The following ZNF264 variants were observed in gnomAD, a reference collection of about 807,000 sequenced individuals.
ZNF264 encodes the protein zinc finger protein 264.
Under a neutral mutation model 11.2 loss-of-function variants are expected in ZNF264, and 11 were observed. The observed-to-expected ratio is 0.98, with a 90% confidence interval of 0.62 to 1.63. The LOEUF (loss-of-function observed/expected upper bound fraction) is 1.63, where lower values mean the gene tolerates loss of function less well. ZNF264 is among the 40% of genes most tolerant of loss of function. The pLI, the probability that ZNF264 is intolerant of heterozygous loss-of-function variation, is 0.00. For synonymous variants in ZNF264, 309 were observed against 279.8 expected, an observed-to-expected ratio of 1.10 and a Z score of -1.04; for missense variants, 752 against 768.1, an observed-to-expected ratio of 0.98 and a Z score of 0.25.
chr19:57,192,992 A>G (rs1167776802), intron 1 of ZNF264, among the ~76,000 whole-genome samples: 1 of 152,066 alleles, frequency 6.6e-6, no homozygotes, highest in Non-Finnish European at 1.5e-5. Context: ...CGACCTCCCA[A>G]AGTGCTGGGA....
rs2087410258 is a variant in ZNF264 at position 57,220,590 on chromosome 19, G to A, written c.*7609G>A. On this transcript the variant is annotated 3_prime_UTR_variant, in exon 4 of 4. Transcript: ENST00000263095. ...TTTTTTTAGTAGACCCTCCATATAT[G>A]TGTGTGTTTTGGTGAATGGCCACAC... 1 of 151,846 alleles carries A rather than the reference G, an allele frequency of 6.6e-6. No individual in the cohort carries two copies. Among genetic ancestry groups the A allele is most frequent in the South Asian group, 2.1e-4 (1 of 4,806 alleles). The allele number at this position is 151,846 out of a possible 1,614,324, so 9.4% of individuals were successfully genotyped here.
intron 3 of ZNF264, among the ~76,000 whole-genome samples, chr19:57,207,545 C>CTTTT (rs757880568): frequency 4.1e-4 from 42 of 103,074 alleles, no homozygotes; most frequent in East Asian, 5.3e-4. Flanking sequence ...TTTTTCTTTT[C>CTTTT]TTTTTTTTTT....
In ZNF264 at chr19:57,192,470, G is replaced by T. The variant is rs149330356; in HGVS notation, c.33+524G>T. The T allele has an allele frequency of 8.9e-4, 874 of 985,362 alleles. 5 individuals are homozygous for T. The African/African-American group carries it at 0.014, about 16-fold the overall frequency. The allele number at this position is 985,362 out of a possible 1,614,324, so 61.0% of individuals were successfully genotyped here. A position where few individuals can be genotyped will look rare whatever the true frequency, so the allele number is the denominator to read the frequency against. ...AGATGCCCTTACTCTCATCGCTACA[G>T]CCTGCATTATCCTTGGCCGCTCGTG... is the stretch of plus-strand genomic sequence containing the variant. On this transcript the variant is annotated intron_variant, in intron 1 of 3. Transcript: ENST00000263095.
Position 57,219,663 on chromosome 19 carries a change from C to CT in ZNF264, c.*6684dup, listed in dbSNP as rs1313588339. The CT allele has an allele frequency of 2.0e-5, 3 of 152,256 alleles. No individual in the cohort carries two copies. Among genetic ancestry groups the CT allele is most frequent in the Admixed American group, 6.5e-5 (1 of 15,288 alleles). 9.4% of individuals were successfully genotyped at this position (152,256 alleles called of 1,614,324 possible). On this transcript the variant is annotated 3_prime_UTR_variant, in exon 4 of 4. Coordinates refer to ENST00000263095, the MANE Select transcript of ZNF264 (RefSeq NM_003417.5). ...GAGGGTCTGTGTCTTCCTTCCAACT[C>CT]TTAAACATTTTTGTTTCCCAGAATC...
At chr19:57,210,357 C>A (rs994072561) in intron 3 of ZNF264, among the ~76,000 whole-genome samples, 1 of 152,186 alleles carries the variant, frequency 6.6e-6, no homozygotes, top group Admixed American at 6.5e-5. Flanking sequence ...AGGTTTGGGT[C>A]CCAAAGCCGT....
At position 57,202,496 on chromosome 19, in the gene ZNF264, C is replaced by G. The variant is rs746685693; in HGVS notation, c.161-2901C>G. Among the ~76,000 whole-genome samples, 5 of 151,806 alleles carry G rather than the reference C, an allele frequency of 3.3e-5. 1 individual carries two copies. The highest frequency in any genetic ancestry group is 7.3e-5 in the African/African-American group (3 of 41,088). ...GGTATGTTAGGCCTCAGGGTCAGGC[C>G]TCTGACCTCCTGCCCTCCTTTCGCT... On this transcript the variant is annotated intron_variant, in intron 2 of 3. Coordinates refer to ENST00000263095, the MANE Select transcript of ZNF264 (RefSeq NM_003417.5).
chr19:57,199,465 C>T (rs955069651), intron 2 of ZNF264, among the ~76,000 whole-genome samples: 2 of 151,866 alleles, frequency 1.3e-5, no homozygotes, highest in African/African-American at 4.9e-5. Context: ...TCCCAGCTCA[C>T]CCATGATGGG....
At position 57,222,191 on chromosome 19, in the gene ZNF264, T is replaced by A. The variant is rs1360900504; in HGVS notation, c.*9210T>A. On this transcript the variant is annotated 3_prime_UTR_variant, in exon 4 of 4. Coordinates refer to ENST00000263095, the MANE Select transcript of ZNF264 (RefSeq NM_003417.5). ...TGGTGAAATCCCATCTCTACAAAAA[T>A]GAAAAATTAGCCGGGCGTAGTGGTA... is the stretch of plus-strand genomic sequence containing the variant. 6.6e-6 allele frequency: 1 copy of A among 150,942 alleles called. No homozygotes were observed. Among genetic ancestry groups the A allele is most frequent in the Non-Finnish European group, 1.5e-5 (1 of 67,620 alleles). 9.4% of individuals were successfully genotyped at this position (150,942 alleles called of 1,614,324 possible).
chr19:57,205,899 C>T (rs988924243), intron 3 of ZNF264, among the ~76,000 whole-genome samples: 6 of 152,168 alleles, frequency 3.9e-5, no homozygotes, highest in African/African-American at 1.4e-4. Flanking sequence ...CAGTGGTTCA[C>T]ATATGAAAAC....
chr19:57,217,303 C>T lies in ZNF264; in HGVS notation c.*4322C>T, dbSNP rs1407316353. On this transcript the variant is annotated 3_prime_UTR_variant, in exon 4 of 4. Coordinates refer to ENST00000263095, the MANE Select transcript of ZNF264 (RefSeq NM_003417.5). ...AACTTATGACAGTTTAATAAGTTAT[C>T]AGCAATTTAGCACTTTACTTCCATT... 6.6e-6 allele frequency: 1 copy of T among 152,172 alleles called. No homozygotes were observed. The highest frequency in any genetic ancestry group is 1.5e-5 in the Non-Finnish European group (1 of 68,030). The allele number at this position is 152,172 out of a possible 1,614,324, so 9.4% of individuals were successfully genotyped here.
rs1475138522 is a variant in ZNF264 at position 57,221,241 on chromosome 19, G to A, written c.*8260G>A. 32 of 151,730 alleles carry A rather than the reference G, an allele frequency of 2.1e-4. No homozygotes were observed. Among genetic ancestry groups the A allele is most frequent in the Admixed American group, 2.1e-3 (32 of 15,218 alleles). 9.4% of individuals were successfully genotyped at this position (151,730 alleles called of 1,614,324 possible). ...AATTTTTGTATTTTTAGTAGTAGTG[G>A]GATTTCACCATGTTGGCCAGGATGG... On this transcript the variant is annotated 3_prime_UTR_variant, in exon 4 of 4. Coordinates refer to ENST00000263095, the MANE Select transcript of ZNF264 (RefSeq NM_003417.5).
Position 57,201,298 on chromosome 19 carries a change from C to T in ZNF264, c.161-4099C>T, listed in dbSNP as rs1305745502. On this transcript the variant is annotated intron_variant, in intron 2 of 3. Coordinates refer to ENST00000263095, the MANE Select transcript of ZNF264 (RefSeq NM_003417.5). ...GAAGTAGTGGATCTTAGTTTCTGTC[C>T]CTGGGTAGTAAAAAGAAGCTGGGGA... Among the ~76,000 whole-genome samples, 2 of 151,616 alleles carry T rather than the reference C, an allele frequency of 1.3e-5. 1 individual carries two copies. Among genetic ancestry groups the T allele is most frequent in the African/African-American group, 4.9e-5 (2 of 41,082 alleles).
chr19:57,208,373 C>T (rs1040274545), intron 3 of ZNF264, among the ~76,000 whole-genome samples: 6 of 151,724 alleles, frequency 4.0e-5, no homozygotes, highest in South Asian at 2.1e-4. Context: ...GGTGAGACCC[C>T]GTCTCTGCAA....
rs150655458 is a variant in ZNF264 at position 57,207,477 on chromosome 19, T to C, written c.256+1985T>C. Among the ~76,000 whole-genome samples the C allele has an allele frequency of 2.8e-3, 429 of 152,146 alleles. 3 individuals are homozygous for C. Among genetic ancestry groups the C allele is most frequent in the Middle Eastern group, 0.017 (5 of 294 alleles). On this transcript the variant is annotated intron_variant, in intron 3 of 3. Transcript: ENST00000263095. Reference sequence around the variant, plus strand: ...CCTTTCATGGACATCCTTTCTTCATTTATATTCTGCTTGTTTTGTGATTCT... The same window carrying C: ...CCTTTCATGGACATCCTTTCTTCATCTATATTCTGCTTGTTTTGTGATTCT...
At position 57,213,810 on chromosome 19, in the gene ZNF264, A is replaced by G. The variant is rs2087359753; in HGVS notation, c.*829A>G. On this transcript the variant is annotated 3_prime_UTR_variant, in exon 4 of 4. Transcript: ENST00000263095. ...TAATCTGTTAAGAATTGGTATCTTTACTATGTTGGGTCTTGTAGTTCATGA... is the reference window on the plus strand; with the variant it reads ...TAATCTGTTAAGAATTGGTATCTTTGCTATGTTGGGTCTTGTAGTTCATGA... The G allele has an allele frequency of 6.6e-6, 1 of 152,198 alleles. No homozygotes were observed. The highest frequency in any genetic ancestry group is 1.5e-5 in the Non-Finnish European group (1 of 68,036). 9.4% of individuals were successfully genotyped at this position (152,198 alleles called of 1,614,324 possible). A position where few individuals can be genotyped will look rare whatever the true frequency, so the allele number is the denominator to read the frequency against.
chr19:57,203,813 C>G (rs2087270959), intron 2 of ZNF264, among the ~76,000 whole-genome samples: 1 of 152,156 alleles, frequency 6.6e-6, no homozygotes, highest in Non-Finnish European at 1.5e-5. Context: ...CTCTGTGGTG[C>G]TAGTAATTTC....
intron 2 of ZNF264, among the ~76,000 whole-genome samples, chr19:57,198,600 C>A (rs2087229357): frequency 6.6e-6 from 1 of 151,802 alleles, no homozygotes; most frequent in South Asian, 2.1e-4. Flanking sequence ...TGGGGACCCA[C>A]TGGACCCACT....
rs772644752 is a variant in ZNF264 at position 57,211,426 on chromosome 19, A to G, written c.329A>G (p.Gln110Arg). ...EPALSEGISLQGQVTQGNSVD... is the reference protein window; with the variant it reads ...EPALSEGISLRGQVTQGNSVD... ...GCCTTGTCAGAGGGAATCTCACTTCAGGGACAAGTGACACAAGGAAACTCA... is the reference window on the plus strand; with the variant it reads ...GCCTTGTCAGAGGGAATCTCACTTCGGGGACAAGTGACACAAGGAAACTCA... Residue 110 changes from glutamine (Q) to arginine (R), a missense_variant, in exon 4 of 4, where the codon CAG becomes CGG. Transcript: ENST00000263095. 1.2e-6 allele frequency: 2 copies of G among 1,614,182 alleles called. No homozygotes were observed. The highest frequency in any genetic ancestry group is 1.7e-6 in the Non-Finnish European group (2 of 1,180,030).
chr19:57,213,006 A>T lies in ZNF264; in HGVS notation c.*25A>T. 1 of 1,582,134 alleles carries T rather than the reference A, an allele frequency of 6.3e-7. No individual in the cohort carries two copies. Among genetic ancestry groups the T allele is most frequent in the Non-Finnish European group, 8.6e-7 (1 of 1,163,262 alleles). ...AGAAAACCTTCTGTTGCTGAATATT[A>T]CTTGTCATCTGAAGAGTCATATTAG... On this transcript the variant is annotated 3_prime_UTR_variant, in exon 4 of 4. Coordinates refer to ENST00000263095, the MANE Select transcript of ZNF264 (RefSeq NM_003417.5).
Sources: gnomAD v4.1 joint callset for allele counts (sites outside exome capture counted in the v4.1 genomes callset) on GRCh38, gnomAD v4.1.1 for gene constraint, MANE v1.5 for transcripts, NCBI Gene and HGNC (gene_info 2026-07-23, HGNC 2026-07-21) for gene names.